ZNF385D: variants seen among roughly 807,000 people sequenced by gnomAD.
ZNF385D encodes the protein zinc finger protein 659.
ZNF385D carries 15 observed loss-of-function variants against 35.8 expected under a neutral mutation model. The observed-to-expected ratio is 0.42, with a 90% CI of 0.28 to 0.64. The LOEUF is 0.64. ZNF385D is among the 30% of genes least tolerant of loss of function. The pLI is 0.23. For missense variants in ZNF385D, 474 were observed against 494.6 expected (o/e 0.96, Z 0.39); for synonymous variants, 212 against 186.8 (o/e 1.13, Z -1.10).
intron 2 of ZNF385D, among the ~76,000 whole-genome samples, chr3:22,324,558 G>T (rs1694587470): frequency 1.3e-5 from 2 of 151,964 alleles, no homozygotes; most frequent in Admixed American, 1.3e-4. Context: ...AAAATGAAAA[G>T]ATATTTCATT....
chr3:22,299,685 C>G (rs138851953), intron 2 of ZNF385D, among the ~76,000 whole-genome samples: 48 of 151,630 alleles, frequency 3.2e-4, no homozygotes, highest in African/African-American at 1.1e-3. Flanking sequence ...ATAACAAACT[C>G]TCTGAAAAAG....
chr3:21,883,993 G>C (rs1401491140), intron 3 of ZNF385D, among the ~76,000 whole-genome samples: 1 of 151,952 alleles, frequency 6.6e-6, no homozygotes, highest in Non-Finnish European at 1.5e-5. Context: ...GATATCCTTA[G>C]TGTATGTTAT....
chr3:21,766,573 T>C (rs2070839983), intron 3 of ZNF385D, among the ~76,000 whole-genome samples: 1 of 152,152 alleles, frequency 6.6e-6, no homozygotes, highest in Non-Finnish European at 1.5e-5. Context: ...TGCTTTAAGA[T>C]GCAAATCTTG....
chr3:21,883,107 CA>C (rs1698362530), intron 3 of ZNF385D, among the ~76,000 whole-genome samples: 1 of 151,796 alleles, frequency 6.6e-6, no homozygotes, highest in Non-Finnish European at 1.5e-5. Flanking sequence ...CAACACATAT[CA>C]TCTTATGGGT....
At chr3:22,127,459 C>T (rs973850118) in intron 3 of ZNF385D, among the ~76,000 whole-genome samples, 2 of 149,956 alleles carry the variant, frequency 1.3e-5, no homozygotes, top group African/African-American at 4.9e-5. Flanking sequence ...CCTGCCTCAG[C>T]CTCCCTAGTA....
intron 3 of ZNF385D, among the ~76,000 whole-genome samples, chr3:22,107,659 A>G (rs1046283932): frequency 2.6e-5 from 4 of 152,144 alleles, no homozygotes; most frequent in Non-Finnish European, 5.9e-5. Context: ...AAAATATTAA[A>G]TAATCCTATC....
intron 3 of ZNF385D, among the ~76,000 whole-genome samples, chr3:21,883,235 A>G (rs1698369656): frequency 6.6e-6 from 1 of 151,966 alleles, no homozygotes; most frequent in Non-Finnish European, 1.5e-5. Flanking sequence ...TTGATCTGTA[A>G]GAATTTGTGC....
intron 1 of ZNF385D, among the ~76,000 whole-genome samples, chr3:21,712,996 A>G (rs772898663): frequency 1.3e-5 from 2 of 152,214 alleles, no homozygotes; most frequent in Non-Finnish European, 2.9e-5. Flanking sequence ...TTTTTTGGAC[A>G]TAAGAATCAC....
At chr3:21,438,881 A>T (rs1033028328) in intron 4 of ZNF385D, among the ~76,000 whole-genome samples, 1 of 152,154 alleles carries the variant, frequency 6.6e-6, no homozygotes, top group African/African-American at 2.4e-5. Flanking sequence ...CTCCCTGATT[A>T]GTTTTTATTT....
At chr3:21,830,777 TGTA>T (rs1389807749) in intron 3 of ZNF385D, among the ~76,000 whole-genome samples, 1 of 152,206 alleles carries the variant, frequency 6.6e-6, no homozygotes, top group Non-Finnish European at 1.5e-5. Flanking sequence ...AAAGAAACCT[TGTA>T]GTCTTGAGAA....
At chr3:21,618,072 A>G (rs2064899427) in intron 2 of ZNF385D, among the ~76,000 whole-genome samples, 1 of 152,146 alleles carries the variant, frequency 6.6e-6, no homozygotes, top group Admixed American at 6.5e-5. Context: ...CAAAAAAAAG[A>G]TTTGTCCATG....
chr3:22,359,413 C>A (rs1162466145), intron 2 of ZNF385D, among the ~76,000 whole-genome samples: 1 of 151,710 alleles, frequency 6.6e-6, no homozygotes, highest in South Asian at 2.1e-4. Flanking sequence ...AAGTCTTCCT[C>A]GAATATTTTC....
intron 2 of ZNF385D, among the ~76,000 whole-genome samples, chr3:22,356,823 A>C (rs1050036819): frequency 6.6e-6 from 1 of 151,928 alleles, no homozygotes; most frequent in African/African-American, 2.4e-5. Flanking sequence ...AACATTTTAC[A>C]AAGTAGATTC....
chr3:21,833,231 G>GAAAGTTGGCCCC (rs1695114116), intron 3 of ZNF385D, among the ~76,000 whole-genome samples: 1 of 152,180 alleles, frequency 6.6e-6, no homozygotes, highest in East Asian at 1.9e-4. Flanking sequence ...TTAGTGGGCT[G>GAAAGTTGGCCCC]AAAGTTGGCC....
At chr3:21,980,113 T>C (rs1163084191) in intron 3 of ZNF385D, among the ~76,000 whole-genome samples, 1 of 152,188 alleles carries the variant, frequency 6.6e-6, no homozygotes, top group Non-Finnish European at 1.5e-5. Flanking sequence ...TGTGGGGTTA[T>C]TAAAGCAGCC....
intron 2 of ZNF385D, among the ~76,000 whole-genome samples, chr3:22,272,030 A>G (rs1466262571): frequency 6.6e-6 from 1 of 151,996 alleles, no homozygotes; most frequent in South Asian, 2.1e-4. Flanking sequence ...AGTGGTGCCG[A>G]TATTTTTGGA....
intron 3 of ZNF385D, among the ~76,000 whole-genome samples, chr3:21,859,466 C>A (rs535077988): frequency 6.6e-6 from 1 of 151,708 alleles, no homozygotes; most frequent in Admixed American, 6.6e-5. Flanking sequence ...TTTTCATGGT[C>A]ATGTAGATGA....
chr3:21,988,751 G>A, intron 3 of ZNF385D, among the ~76,000 whole-genome samples: 1 of 151,808 alleles, frequency 6.6e-6, no homozygotes, highest in Non-Finnish European at 1.5e-5. Flanking sequence ...GGCAATGGCG[G>A]GCGCCCCTCC....
At chr3:22,145,674 G>A (rs1285123233) in intron 3 of ZNF385D, among the ~76,000 whole-genome samples, 1 of 152,186 alleles carries the variant, frequency 6.6e-6, no homozygotes, top group Non-Finnish European at 1.5e-5. Context: ...TGGGGATGAG[G>A]AGTTAGCAGG....
Sources: allele counts gnomAD v4.1 joint callset (sites outside exome capture counted in the v4.1 genomes callset), GRCh38; gene constraint gnomAD v4.1.1; transcripts MANE v1.5; gene names NCBI Gene and HGNC (gene_info 2026-07-23, HGNC 2026-07-21).